Variants in TSGA10 observed in about 807,000 individuals in gnomAD.
The protein encoded by TSGA10 is testis-specific gene 10 protein.
In TSGA10, 43 loss-of-function variants were observed where a neutral mutation model predicts 96.6. The ratio of observed to expected loss-of-function variants is 0.44; its 90% CI spans 0.35 to 0.57. The LOEUF (loss-of-function observed/expected upper bound fraction) is 0.57, where lower values mean the gene tolerates loss of function less well. Ranked by LOEUF, TSGA10 falls within the 20% of genes least tolerant of loss-of-function variation. The pLI is 0.01. For synonymous variants in TSGA10, 229 were observed against 269.9 expected (o/e 0.85, Z 1.48); for missense variants, 703 against 834.4 (o/e 0.84, Z 1.94).
chr2:99,091,242 G>T (rs989046669), intron 10 of TSGA10, among the ~76,000 whole-genome samples: 2 of 152,072 alleles, frequency 1.3e-5, no homozygotes, highest in African/African-American at 4.8e-5. Flanking sequence ...CCACTACCAA[G>T]CCAGCACTAC....
intron 16 of TSGA10, among the ~76,000 whole-genome samples, chr2:99,039,409 C>T (rs946099449): frequency 6.6e-6 from 1 of 150,924 alleles, no homozygotes; most frequent in African/African-American, 2.4e-5. Flanking sequence ...AAGAAAAGAG[C>T]AGAGAAGATC....
At chr2:99,027,113 C>T (rs189782908) in intron 17 of TSGA10, among the ~76,000 whole-genome samples, 9 of 152,310 alleles carry the variant, frequency 5.9e-5, no homozygotes, top group Admixed American at 1.3e-4. Flanking sequence ...ACTCACCCAC[C>T]GCTCACCTCC....
In TSGA10 at chr2:99,065,091, G is replaced by T; in HGVS notation, c.1252C>A (p.Arg418=). The change falls in exon 16 of 21, where the codon CGA becomes AGA. Residue 418 remains arginine (R), a synonymous_variant. Transcript: ENST00000393483. ...SENRQMMEQL[R]KANEDAENWE... is the part of the protein sequence containing the mutation. ...TTTTCAGCATCTTCATTGGCTTTTCGAAGTTGTTCCATCATTTGCCGGTTC... is the reference window on the plus strand; with the variant it reads ...TTTTCAGCATCTTCATTGGCTTTTCTAAGTTGTTCCATCATTTGCCGGTTC... 6.2e-7 allele frequency: 1 copy of T among 1,612,964 alleles called. No individual in the cohort carries two copies. The highest frequency in any genetic ancestry group is 1.1e-5 in the South Asian group (1 of 90,712).
intron 12 of TSGA10, among the ~76,000 whole-genome samples, chr2:99,073,309 A>C (rs930154528): frequency 1.3e-5 from 2 of 152,156 alleles, no homozygotes; most frequent in African/African-American, 2.4e-5. Context: ...TAATTATGAG[A>C]TCAGTATATC....
chr2:99,044,966 T>C (rs1399842168), intron 16 of TSGA10, among the ~76,000 whole-genome samples: 2 of 152,110 alleles, frequency 1.3e-5, no homozygotes, highest in Non-Finnish European at 2.9e-5. Context: ...GAAATAAAGA[T>C]GTTCTTGGAA....
At chr2:99,105,846 T>A (rs1431891117) in intron 7 of TSGA10, 149 bp from the exon 8 acceptor site, 1 of 487,444 alleles carries the variant, frequency 2.1e-6, no homozygotes, top group East Asian at 3.1e-5. Context: ...AATAAGCTTA[T>A]ACAAATAAAT....
intron 5 of TSGA10, among the ~76,000 whole-genome samples, chr2:99,110,367 T>C (rs967736839): frequency 3.3e-5 from 5 of 152,166 alleles, no homozygotes; most frequent in African/African-American, 1.2e-4. Context: ...TGGGAGAAAA[T>C]TATAGATATA....
rs1574362933 is a variant in TSGA10, at chr2:99,101,670, G to A, written c.611+2297C>T. On this transcript the variant is annotated intron_variant, in intron 10 of 20. Transcript: ENST00000393483. ...ACAAAGAATTATAAAAACAAAAGGA[G>A]AGAGAGAGAAAAGAACAAAAAGATA... Among the ~76,000 whole-genome samples, 3 of 152,186 alleles carry A rather than the reference G, an allele frequency of 2.0e-5. No homozygotes were observed. In the South Asian group the frequency reaches 6.2e-4, roughly 32 times the overall value.
At chr2:99,113,857 TAAC>T (rs2092019082) in intron 4 of TSGA10, among the ~76,000 whole-genome samples, 1 of 152,090 alleles carries the variant, frequency 6.6e-6, no homozygotes. Context: ...ATCATCTTGA[TAAC>T]AATTTCCTGA....
chr2:99,133,241 A>G (rs1335987558), intron 1 of TSGA10, among the ~76,000 whole-genome samples: 1 of 152,176 alleles, frequency 6.6e-6, no homozygotes, highest in Non-Finnish European at 1.5e-5. Flanking sequence ...TAGGTCTCTA[A>G]GAACTTGCTT....
intron 16 of TSGA10, among the ~76,000 whole-genome samples, chr2:99,057,118 C>G (rs996669374): frequency 2.3e-5 from 3 of 132,490 alleles, no homozygotes; most frequent in African/African-American, 1.0e-4. Flanking sequence ...TAACATCATA[C>G]TTGATGGTAA....
At chr2:99,063,236 C>A (rs2104451935) in intron 16 of TSGA10, among the ~76,000 whole-genome samples, 1 of 152,254 alleles carries the variant, frequency 6.6e-6, no homozygotes, top group South Asian at 2.1e-4. Context: ...ATGTAAATGG[C>A]AAAATTTCAC....
Position 99,098,373 on chromosome 2 carries a change from A to G in TSGA10, c.611+5594T>C, listed in dbSNP as rs1019918767. 2.0e-5 allele frequency among the ~76,000 whole-genome samples: 3 copies of G among 148,932 alleles called. No homozygotes were observed. The East Asian group carries it at 6.0e-4, about 30-fold the overall frequency. ...AGAATGGCATGAACTTGGGAGGTGG[A>G]GCATGCAGTGAGCCGAGATCGCACC... On this transcript the variant is annotated intron_variant, in intron 10 of 20. Transcript: ENST00000393483.
chr2:99,111,537 A>G (rs1414564611), intron 4 of TSGA10, among the ~76,000 whole-genome samples: 1 of 152,092 alleles, frequency 6.6e-6, no homozygotes. Context: ...ATTATTCTAA[A>G]CTGCATCCTG....
At chr2:99,092,965 A>C (rs1260546784) in intron 10 of TSGA10, among the ~76,000 whole-genome samples, 1 of 152,104 alleles carries the variant, frequency 6.6e-6, no homozygotes, top group African/African-American at 2.4e-5. Flanking sequence ...GAAACTATAG[A>C]CCAATATATC....
chr2:99,072,974 G>GC (rs757896663), intron 13 of TSGA10, 44 bp downstream of exon 13: 9 of 1,385,552 alleles, frequency 6.5e-6, no homozygotes, highest in Non-Finnish European at 9.2e-6. Flanking sequence ...ATGGTACTTG[G>GC]CCCCCCAGTA....
chr2:99,129,544 T>C (rs2092977234), intron 1 of TSGA10, among the ~76,000 whole-genome samples: 1 of 152,156 alleles, frequency 6.6e-6, no homozygotes, highest in African/African-American at 2.4e-5. Context: ...CTGGAGTTGC[T>C]ATCCTCCCTC....
At chr2:99,043,690 A>C (rs954288676) in intron 16 of TSGA10, among the ~76,000 whole-genome samples, 4 of 152,216 alleles carry the variant, frequency 2.6e-5, no homozygotes, top group African/African-American at 9.6e-5. Context: ...CTGGCTTCTA[A>C]GCAGAAACAA....
intron 19 of TSGA10, 52 bp from the exon 20 acceptor site, chr2:99,018,401 A>C: frequency 6.3e-7 from 1 of 1,599,256 alleles, no homozygotes; most frequent in South Asian, 1.1e-5. Context: ...AATTATTAAA[A>C]CTATCATAAA....
Sources: allele counts gnomAD v4.1 joint callset (sites outside exome capture counted in the v4.1 genomes callset), GRCh38; gene constraint gnomAD v4.1.1; transcripts MANE v1.5; gene names NCBI Gene and HGNC (gene_info 2026-07-23, HGNC 2026-07-21).